The following MCTP1 variants were observed in gnomAD, a reference collection of about 807,000 sequenced individuals.
MCTP1 encodes the protein multiple C2 and transmembrane domain-containing protein 1.
A neutral mutation model predicts 120.6 loss-of-function variants in MCTP1; 69 were observed. The ratio of observed to expected loss-of-function variants is 0.57; its 90% CI spans 0.47 to 0.70. The LOEUF is 0.70. MCTP1 is among the 30% of genes least tolerant of loss of function. The pLI is 0.00. For missense variants in MCTP1, 1,203 were observed against 1,248.8 expected, an observed-to-expected ratio of 0.96 and a Z score of 0.55; for synonymous variants, 529 against 493.1, an observed-to-expected ratio of 1.07 and a Z score of -0.96.
At chr5:95,047,812 C>A (rs13155160) in intron 1 of MCTP1, among the ~76,000 whole-genome samples, 4 of 151,926 alleles carry the variant, frequency 2.6e-5, no homozygotes, top group East Asian at 1.9e-4. Context: ...ATCTACACAC[C>A]CACCCACTCA....
chr5:94,786,760 GA>G (rs1427765298), intron 18 of MCTP1, among the ~76,000 whole-genome samples: 1 of 149,788 alleles, frequency 6.7e-6, no homozygotes, highest in African/African-American at 2.5e-5. Context: ...GATTTATGTT[GA>G]TTTTTTTTTA....
At chr5:94,740,519 A>C (rs1263586351) in intron 19 of MCTP1, among the ~76,000 whole-genome samples, 1 of 152,220 alleles carries the variant, frequency 6.6e-6, no homozygotes, top group Non-Finnish European at 1.5e-5. Context: ...AGGTTTTCCT[A>C]GTGAACAAGC....
At chr5:95,249,563 T>C (rs1479631287) in intron 1 of MCTP1, among the ~76,000 whole-genome samples, 2 of 151,636 alleles carry the variant, frequency 1.3e-5, no homozygotes, top group African/African-American at 4.8e-5. Context: ...TCGGTGGGAG[T>C]GTAAATTAGT....
chr5:94,938,546 C>A (rs1816775094), intron 5 of MCTP1, among the ~76,000 whole-genome samples: 1 of 151,914 alleles, frequency 6.6e-6, no homozygotes, highest in Admixed American at 6.6e-5. Context: ...AATCCTTAAC[C>A]CCTGGCTAGT....
intron 1 of MCTP1, among the ~76,000 whole-genome samples, chr5:95,225,674 C>A (rs1017736588): frequency 9.9e-5 from 15 of 152,246 alleles, no homozygotes; most frequent in Non-Finnish European, 2.1e-4. Context: ...GTGCTTGCTG[C>A]TGCCTTCCCG....
intron 1 of MCTP1, among the ~76,000 whole-genome samples, chr5:95,169,230 A>G (rs1292018429): frequency 6.6e-6 from 1 of 152,230 alleles, no homozygotes; most frequent in Non-Finnish European, 1.5e-5. Flanking sequence ...CCAGCCTTGC[A>G]ACCCACAGAG....
chr5:95,055,913 G>A lies in MCTP1; in HGVS notation c.721-38429C>T, dbSNP rs186500124. 1.9e-4 allele frequency among the ~76,000 whole-genome samples: 29 copies of A among 152,254 alleles called. No homozygotes were observed. The East Asian group carries it at 4.8e-3, about 25-fold the overall frequency. ...TAAACATTAGTTAGCTACCATGATC[G>A]TCTATAATAAAAATCAATATTTTGA... On this transcript the variant is annotated intron_variant, in intron 1 of 22. Transcript: ENST00000515393.
At chr5:94,918,006 G>C (rs763296783) in intron 7 of MCTP1, 33 bp from the exon 8 acceptor site, 24 of 1,568,404 alleles carry the variant, frequency 1.5e-5, no homozygotes, top group Non-Finnish European at 2.0e-5. Flanking sequence ...AGCTGTACGG[G>C]GAAGCTTTGT....
chr5:95,207,707 T>C (rs1751779946), intron 1 of MCTP1, among the ~76,000 whole-genome samples: 1 of 151,946 alleles, frequency 6.6e-6, no homozygotes, highest in Non-Finnish European at 1.5e-5. Flanking sequence ...ATCCCAAGAG[T>C]TCCTAGCACA....
intron 1 of MCTP1, among the ~76,000 whole-genome samples, chr5:95,267,244 C>T (rs1170827699): frequency 6.6e-6 from 1 of 152,130 alleles, no homozygotes; most frequent in Non-Finnish European, 1.5e-5. Flanking sequence ...GAACCCTCTC[C>T]AAAGTTTTTC....
chr5:94,918,986 A>T (rs469061), intron 7 of MCTP1, among the ~76,000 whole-genome samples: 1 of 151,946 alleles, frequency 6.6e-6, no homozygotes, highest in East Asian at 1.9e-4. Flanking sequence ...TTCCACCCCC[A>T]ACCCATGTCT....
intron 12 of MCTP1, among the ~76,000 whole-genome samples, chr5:94,887,384 A>G (rs1193896272): frequency 6.6e-6 from 1 of 152,148 alleles, no homozygotes; most frequent in Non-Finnish European, 1.5e-5. Context: ...TCTAGTTTGC[A>G]TATTCATGAA....
intron 1 of MCTP1, among the ~76,000 whole-genome samples, chr5:95,090,852 C>T (rs754566745): frequency 2.0e-5 from 3 of 152,160 alleles, no homozygotes; most frequent in Non-Finnish European, 2.9e-5. Flanking sequence ...TCTGAGCTCT[C>T]ACCTGTATAT....
At chr5:94,925,923 A>T (rs1391497470) in intron 6 of MCTP1, among the ~76,000 whole-genome samples, 1 of 152,216 alleles carries the variant, frequency 6.6e-6, no homozygotes, top group Non-Finnish European at 1.5e-5. Context: ...AATCTAATAC[A>T]CACTAAGAAA....
At chr5:95,113,523 C>A (rs1458921149) in intron 1 of MCTP1, among the ~76,000 whole-genome samples, 1 of 152,098 alleles carries the variant, frequency 6.6e-6, no homozygotes. Context: ...CTCAGTGCTG[C>A]CTGGTCACAG....
intron 2 of MCTP1, among the ~76,000 whole-genome samples, chr5:94,992,287 G>C (rs944660702): frequency 2.7e-5 from 4 of 150,384 alleles, no homozygotes; most frequent in African/African-American, 9.8e-5. Context: ...GTATAATAAT[G>C]TTGAGGATGA....
chr5:94,947,562 A>G (rs1819284189), intron 3 of MCTP1, among the ~76,000 whole-genome samples: 2 of 46,538 alleles, frequency 4.3e-5, no homozygotes, highest in Admixed American at 2.2e-4. Context: ...CTAAATATAT[A>G]TATATATATA....
intron 1 of MCTP1, among the ~76,000 whole-genome samples, chr5:95,139,493 G>C (rs1373577022): frequency 6.6e-6 from 1 of 152,172 alleles, no homozygotes; most frequent in Non-Finnish European, 1.5e-5. Flanking sequence ...GGGAACAAGA[G>C]AGCTTCTTTT....
chr5:94,963,214 A>G (rs1197641434), intron 2 of MCTP1, among the ~76,000 whole-genome samples: 1 of 152,134 alleles, frequency 6.6e-6, no homozygotes, highest in Non-Finnish European at 1.5e-5. Context: ...ATTGATAGAC[A>G]TTTAGATTGC....
Sources: allele counts gnomAD v4.1 joint callset (sites outside exome capture counted in the v4.1 genomes callset), GRCh38; gene constraint gnomAD v4.1.1; transcripts MANE v1.5; gene names NCBI Gene and HGNC (gene_info 2026-07-23, HGNC 2026-07-21).